Variants in ARHGEF10 observed in about 807,000 individuals in gnomAD.
ARHGEF10 encodes Rho guanine nucleotide exchange factor 10, also known as Rho guanine nucleotide exchange factor (GEF) 10.
Under a neutral mutation model 147.4 loss-of-function variants are expected in ARHGEF10, and 140 were observed. The ratio of observed to expected loss-of-function variants is 0.95; its 90% CI spans 0.83 to 1.09. ARHGEF10 has a LOEUF of 1.09. Among genes scored for constraint, ARHGEF10 ranks in the 50% least tolerant of loss-of-function variants. The pLI is 0.00. For missense variants in ARHGEF10, 2,222 were observed against 1,752.7 expected, an observed-to-expected ratio of 1.27 and a Z score of -4.78; for synonymous variants, 902 against 695.8, an observed-to-expected ratio of 1.30 and a Z score of -4.67.
At chr8:1,944,518 T>C (rs911651272) in intron 26 of ARHGEF10, among the ~76,000 whole-genome samples, 1 of 152,234 alleles carries the variant, frequency 6.6e-6, no homozygotes, top group African/African-American at 2.4e-5. Context: ...CCACGGGGCA[T>C]GTGTGTGGAG....
At chr8:1,846,642 A>G (rs555024172) in intron 2 of ARHGEF10, among the ~76,000 whole-genome samples, 2 of 151,760 alleles carry the variant, frequency 1.3e-5, no homozygotes, top group African/African-American at 4.8e-5. Context: ...AAGTGGTGTG[A>G]TCTTGGCTCA....
At chr8:1,929,931 C>G (rs1656551628) in intron 25 of ARHGEF10, among the ~76,000 whole-genome samples, 1 of 152,348 alleles carries the variant, frequency 6.6e-6, no homozygotes, top group South Asian at 2.1e-4. Context: ...CCTCCCTGGC[C>G]CATCCCGCCT....
chr8:1,830,936 G>C (rs572559223), intron 1 of ARHGEF10, among the ~76,000 whole-genome samples: 10 of 152,372 alleles, frequency 6.6e-5, no homozygotes, highest in African/African-American at 2.4e-4. Context: ...TTCCCAGTGG[G>C]AGGAACAGCG....
At chr8:1,869,749 G>C (rs1474039016) in intron 7 of ARHGEF10, 1 of 216,512 alleles carries the variant, frequency 4.6e-6, no homozygotes, top group Non-Finnish European at 9.4e-6. Context: ...CCAGGCCCAG[G>C]GTGAATCTCC....
Position 1,957,318 on chromosome 8 carries a change from T to A in ARHGEF10, c.*55T>A. ...TTGCAATCAAGGGTGACTTCTCAGC[T>A]AATCCTACAGCCTGAGTGGTTAAGC... is the stretch of plus-strand genomic sequence containing the variant. On this transcript the variant is annotated 3_prime_UTR_variant, in exon 29 of 29. Coordinates refer to ENST00000349830, the MANE Select transcript of ARHGEF10 (RefSeq NM_014629.4). 6.3e-7 allele frequency: 1 copy of A among 1,576,610 alleles called. No individual in the cohort carries two copies. Among genetic ancestry groups the A allele is most frequent in the Non-Finnish European group, 8.6e-7 (1 of 1,164,788 alleles).
At position 1,932,341 on chromosome 8, in the gene ARHGEF10, G is replaced by A. The variant is rs141215022; in HGVS notation, c.3080-1459G>A. 6.7e-3 allele frequency among the ~76,000 whole-genome samples: 1,025 copies of A among 152,328 alleles called. 13 individuals carry two copies. The highest frequency in any genetic ancestry group is 0.055 in the East Asian group (284 of 5,172). ...TGTATGCACACGTGATTGTGAGGGC[G>A]TATGTGTGTGCAGGCGTGTGTGTGC... On this transcript the variant is annotated intron_variant, in intron 25 of 28. Transcript: ENST00000349830.
In ARHGEF10 at chr8:1,948,768, C is replaced by T. The variant is rs1226522946; in HGVS notation, c.3397+3113C>T. Reference sequence around the variant, plus strand: ...CGTCTTTGCCTTTCAGCTAATATTTCATATATTTCATAGAAATAAGCATTA... The same window carrying T: ...CGTCTTTGCCTTTCAGCTAATATTTTATATATTTCATAGAAATAAGCATTA... On this transcript the variant is annotated intron_variant, in intron 27 of 28. Transcript: ENST00000349830. The surrounding 1 kb of genome is among the most constrained non-coding windows in gnomAD (Gnocchi z 4.9). Among the ~76,000 whole-genome samples the T allele has an allele frequency of 6.6e-6, 1 of 152,192 alleles. No homozygotes were observed. Among genetic ancestry groups the T allele is most frequent in the Non-Finnish European group, 1.5e-5 (1 of 68,046 alleles).
chr8:1,921,327 A>G (rs1812271730), intron 18 of ARHGEF10, among the ~76,000 whole-genome samples: 1 of 152,248 alleles, frequency 6.6e-6, no homozygotes, highest in South Asian at 2.1e-4. Flanking sequence ...GTTTTGACAT[A>G]TATATGTATT....
At chr8:1,896,279 A>T in intron 13 of ARHGEF10, 54 bp from the exon 14 acceptor site, 1 of 1,256,888 alleles carries the variant, frequency 8.0e-7, no homozygotes, top group South Asian at 1.2e-5. Flanking sequence ...TTTATGTTGG[A>T]AAAGGGATAT....
intron 25 of ARHGEF10, among the ~76,000 whole-genome samples, chr8:1,930,734 A>T (rs1034551092): frequency 2.0e-5 from 3 of 152,048 alleles, no homozygotes; most frequent in African/African-American, 7.2e-5. Context: ...GGCTCTCTCG[A>T]CCTGCTCCAC....
At position 1,843,427 on chromosome 8, in the gene ARHGEF10, G is replaced by T. The variant is rs763893217; in HGVS notation, c.28G>T (p.Ala10Ser). ...GGACCAGCGAGAGCCCCTGCCTCCCGCTCCTGCAGGTAACAGCACTCAGTA... is the reference window on the plus strand; with the variant it reads ...GGACCAGCGAGAGCCCCTGCCTCCCTCTCCTGCAGGTAACAGCACTCAGTA... MDQREPLPP[A>S]PAENEMKYDT... Residue 10 changes from alanine to serine, a missense_variant, in exon 2 of 29, where the codon GCT becomes TCT. Physicochemically the swap from Ala to Ser is moderately conservative, Grantham distance 99. Coordinates refer to ENST00000349830, the MANE Select transcript of ARHGEF10 (RefSeq NM_014629.4). 1.9e-6 allele frequency: 3 copies of T among 1,612,798 alleles called. No homozygotes were observed. In the South Asian group the frequency reaches 3.3e-5, roughly 18 times the overall value.
At position 1,868,155 on chromosome 8, in the gene ARHGEF10, A is replaced by T. The variant is rs114693181; in HGVS notation, c.623-1039A>T. On this transcript the variant is annotated intron_variant, in intron 6 of 28. Transcript: ENST00000349830. ...TCTTTACTGTGGTTGCAGATAGTAA[A>T]TGCTATTAAAAGAAAGAGCGTCTGT... Among the ~76,000 whole-genome samples the T allele has an allele frequency of 3.1e-4, 47 of 152,346 alleles. 1 individual carries two copies. The Middle Eastern group carries it at 0.01, about 33-fold the overall frequency.
At chr8:1,930,502 C>T (rs3779702) in intron 25 of ARHGEF10, among the ~76,000 whole-genome samples, 20,958 of 151,928 alleles carry the variant, frequency 0.14, 1,486 homozygotes, top group Admixed American at 0.18. Flanking sequence ...CCCCGCCCCC[C>T]CGCTGAAAAT....
intron 2 of ARHGEF10, among the ~76,000 whole-genome samples, chr8:1,845,568 C>T (rs753835975): frequency 6.6e-6 from 1 of 152,300 alleles, no homozygotes. Flanking sequence ...GTTCAGAATC[C>T]CGTGGCAGAT....
intron 22 of ARHGEF10, 41 bp from the exon 23 acceptor site, chr8:1,926,336 C>A: frequency 6.5e-7 from 1 of 1,538,822 alleles, no homozygotes; most frequent in Non-Finnish European, 9.0e-7. Flanking sequence ...AGCCTCTTAG[C>A]TCTGTTTTAT....
At chr8:1,912,154 T>C (rs150464238) in intron 18 of ARHGEF10, among the ~76,000 whole-genome samples, 5 of 151,996 alleles carry the variant, frequency 3.3e-5, no homozygotes, top group African/African-American at 1.2e-4. Flanking sequence ...GGGAGCTCCC[T>C]GTCCCTGCAA....
Position 1,957,208 on chromosome 8 carries a change from AG to A in ARHGEF10, c.3982del (p.Glu1328LysfsTer15). 1.2e-6 allele frequency: 2 copies of A among 1,612,288 alleles called. No homozygotes were observed. The highest frequency in any genetic ancestry group is 1.7e-4 in the Middle Eastern group (1 of 5,928). On this transcript the variant is annotated frameshift_variant, in exon 29 of 29. Coordinates refer to ENST00000349830, the MANE Select transcript of ARHGEF10 (RefSeq NM_014629.4). LOFTEE classifies it high-confidence loss of function. The part of the protein sequence containing the change: ...RVHRKARQPH[Q>X]EELAPTVMVW... ...CACAGGAAGGCCCGGCAGCCCCACC[AG>A]GAAGAGCTGGCGCCGACCGTCATGG...
intron 18 of ARHGEF10, among the ~76,000 whole-genome samples, chr8:1,910,686 C>T (rs1312228169): frequency 2.0e-5 from 3 of 152,134 alleles, no homozygotes; most frequent in Non-Finnish European, 2.9e-5. Context: ...TATTCAAGAG[C>T]AAATTGGATG....
chr8:1,846,490 CAGTT>C (rs1246235844), intron 2 of ARHGEF10, among the ~76,000 whole-genome samples: 1 of 152,228 alleles, frequency 6.6e-6, no homozygotes, highest in Non-Finnish European at 1.5e-5. Flanking sequence ...CGTGGGGACA[CAGTT>C]GGTGCTGTTA....
Sources: gnomAD v4.1 joint callset for allele counts (sites outside exome capture counted in the v4.1 genomes callset) on GRCh38, gnomAD v4.1.1 for gene constraint, Gnocchi (gnomAD v3.1) non-coding constraint, MANE v1.5 for transcripts, NCBI Gene and HGNC (gene_info 2026-07-23, HGNC 2026-07-21) for gene names.